EIF4G3: variants seen among roughly 807,000 people sequenced by gnomAD.
EIF4G3 encodes eIF-4-gamma 3.
In EIF4G3, 34 loss-of-function variants were observed where a neutral mutation model predicts 186.4. The observed-to-expected ratio is 0.18, with a 90% CI of 0.14 to 0.24. The LOEUF is 0.24. Among genes scored for constraint, EIF4G3 ranks in the 10% least tolerant of loss-of-function variants. EIF4G3 has a pLI of 1.00. For synonymous variants in EIF4G3, 673 were observed against 679.5 expected, an observed-to-expected ratio of 0.99 and a Z score of 0.15; for missense variants, 1,536 against 1,948.5, an observed-to-expected ratio of 0.79 and a Z score of 3.99.
intron 3 of EIF4G3, among the ~76,000 whole-genome samples, chr1:21,065,744 A>G (rs974383314): frequency 6.6e-6 from 1 of 152,222 alleles, no homozygotes; most frequent in Non-Finnish European, 1.5e-5. Flanking sequence ...TCAACACATT[A>G]AGATAATATT....
chr1:21,007,515 T>TAAAAAAAAAAAAAA lies in EIF4G3; in HGVS notation c.-66-4721_-66-4708dup, dbSNP rs368328382. Among the ~76,000 whole-genome samples the TAAAAAAAAAAAAAA allele has an allele frequency of 5.1e-3, 75 of 14,640 alleles. 4 individuals carry two copies. The highest frequency in any genetic ancestry group is 8.2e-3 in the Non-Finnish European group (41 of 4,992). 9.6% of individuals were successfully genotyped at this position (14,640 alleles called of 152,430 possible). A position where few individuals can be genotyped will look rare whatever the true frequency, so the allele number is the denominator to read the frequency against. ...AATATATTCACAATGGGCCCCTCCT[T>TAAAAAAAAAAAAAA]AAAAAAAAAAAAAAAAAAAAAACAC... On this transcript the variant is annotated intron_variant, in intron 4 of 36. Transcript: ENST00000602326.
chr1:21,031,128 G>A (rs918315602), intron 4 of EIF4G3, among the ~76,000 whole-genome samples: 15 of 151,932 alleles, frequency 9.9e-5, no homozygotes, highest in Admixed American at 9.8e-4. Flanking sequence ...GTGGGCCGCA[G>A]TGAGCCAAGA....
rs1462314814 is a variant in EIF4G3 at position 20,958,880 on chromosome 1, G to A, written c.715-8769C>T. Among the ~76,000 whole-genome samples, 10 of 152,114 alleles carry A rather than the reference G, an allele frequency of 6.6e-5. No homozygotes were observed. The East Asian group carries it at 1.7e-3, about 26-fold the overall frequency. Reference sequence around the variant, plus strand: ...ATCTCTACAAGGAGAAATACAAAACGCTGCTGAAAGAAATCACAGATGACA... The same window carrying A: ...ATCTCTACAAGGAGAAATACAAAACACTGCTGAAAGAAATCACAGATGACA... On this transcript the variant is annotated intron_variant, in intron 12 of 36. Coordinates refer to ENST00000602326, the MANE Select transcript of EIF4G3 (RefSeq NM_001391906.1).
At chr1:21,101,590 C>CGAGG (rs1363878645) in intron 2 of EIF4G3, among the ~76,000 whole-genome samples, 1 of 17,854 alleles carries the variant, frequency 5.6e-5, no homozygotes, top group Non-Finnish European at 1.5e-4. Context: ...AAAAAAAAAC[C>CGAGG]GAGGGAGGGA....
intron 2 of EIF4G3, among the ~76,000 whole-genome samples, chr1:21,132,170 T>C (rs2097164969): frequency 6.6e-6 from 1 of 152,108 alleles, no homozygotes; most frequent in African/African-American, 2.4e-5. Context: ...CAAAGTGATA[T>C]TTGTCCTTGA....
chr1:21,063,863 T>C (rs61779070), intron 3 of EIF4G3, among the ~76,000 whole-genome samples: 55,440 of 149,830 alleles, frequency 0.37, 10,893 homozygotes, highest in Non-Finnish European at 0.43. Flanking sequence ...GCGCATGCCA[T>C]CACACCCAGC....
At position 21,050,855 on chromosome 1, in the gene EIF4G3, G is replaced by A. The variant is rs1359830695; in HGVS notation, c.-67+11C>T. ...GACATTTCTTATTTTTTTAAAAAAG[G>A]TTTATCTTACTTGAGAGAGTCCAGG... On this transcript the variant is annotated intron_variant, in intron 4 of 36. Transcript: ENST00000602326. 8.7e-6 allele frequency: 6 copies of A among 690,970 alleles called. No homozygotes were observed. The highest frequency in any genetic ancestry group is 1.6e-5 in the Non-Finnish European group (6 of 378,588). 42.8% of individuals were successfully genotyped at this position (690,970 alleles called of 1,614,324 possible).
At chr1:20,995,564 A>G (rs553893523) in intron 7 of EIF4G3, among the ~76,000 whole-genome samples, 121 of 151,930 alleles carry the variant, frequency 8.0e-4, no homozygotes, top group Admixed American at 2.0e-3. Context: ...TAGAGACGGA[A>G]TTTCACCATG....
chr1:20,940,066 G>C (rs899754465), intron 14 of EIF4G3, among the ~76,000 whole-genome samples: 5 of 151,954 alleles, frequency 3.3e-5, no homozygotes, highest in African/African-American at 1.2e-4. Flanking sequence ...GTGTTGCCAA[G>C]GCTGGTCTCG....
At chr1:20,823,888 T>C (rs976113600) in intron 33 of EIF4G3, among the ~76,000 whole-genome samples, 1 of 152,224 alleles carries the variant, frequency 6.6e-6, no homozygotes, top group Non-Finnish European at 1.5e-5. Context: ...TGTCAACTCA[T>C]ATATTTAAAT....
chr1:21,015,022 G>GA (rs1341310703), intron 4 of EIF4G3, among the ~76,000 whole-genome samples: 1 of 142,362 alleles, frequency 7.0e-6, no homozygotes, highest in African/African-American at 2.6e-5. Flanking sequence ...AATGAAATCA[G>GA]AAAAAAGATA....
At chr1:20,919,833 T>C (rs2094327157) in intron 14 of EIF4G3, among the ~76,000 whole-genome samples, 2 of 152,194 alleles carry the variant, frequency 1.3e-5, no homozygotes, top group African/African-American at 4.8e-5. Flanking sequence ...TGTAATGATG[T>C]AGGCTATCCT....
intron 15 of EIF4G3, among the ~76,000 whole-genome samples, chr1:20,900,833 G>T (rs1384739840): frequency 6.6e-6 from 1 of 152,136 alleles, no homozygotes; most frequent in Non-Finnish European, 1.5e-5. Flanking sequence ...TTCAGCAGAG[G>T]ATAGTGTAAA....
chr1:20,910,755 T>G (rs1288297039), intron 14 of EIF4G3, among the ~76,000 whole-genome samples: 3 of 152,152 alleles, frequency 2.0e-5, no homozygotes, highest in African/African-American at 7.2e-5. Context: ...TTCAGGCTAA[T>G]GAGACTAAAT....
At chr1:20,969,692 T>C (rs111884436) in intron 11 of EIF4G3, 96 bp from the exon 12 acceptor site, 5 of 1,175,418 alleles carry the variant, frequency 4.3e-6, no homozygotes, top group Middle Eastern at 3.0e-4. Context: ...CTGGGAAACC[T>C]GTCAAATATC....
chr1:21,071,645 A>G (rs1242802172), intron 3 of EIF4G3, among the ~76,000 whole-genome samples: 1 of 152,158 alleles, frequency 6.6e-6, no homozygotes, highest in Non-Finnish European at 1.5e-5. Flanking sequence ...CAGCTTGACC[A>G]AAATACAAAA....
In EIF4G3 at chr1:21,176,810, C is replaced by A. The variant is rs762850267; in HGVS notation, c.-544G>T. 7 of 701,702 alleles carry A rather than the reference C, an allele frequency of 1.0e-5. No homozygotes were observed. The highest frequency in any genetic ancestry group is 8.9e-5 in the South Asian group (6 of 67,590). The allele number at this position is 701,702 out of a possible 1,614,324, so 43.5% of individuals were successfully genotyped here. ...CGGCGCCCTTCTCGGTAGCGGGGCT[C>A]AGGCGATGCCGGTGGATTTTCTTCA... On this transcript the variant is annotated 5_prime_UTR_variant, in exon 1 of 37. An upstream open reading frame in the 5' UTR gains an earlier in-frame stop. Coordinates refer to ENST00000602326, the MANE Select transcript of EIF4G3 (RefSeq NM_001391906.1).
intron 19 of EIF4G3, 100 bp from the exon 20 acceptor site, chr1:20,879,620 C>A: frequency 3.0e-6 from 2 of 676,460 alleles, no homozygotes; most frequent in Non-Finnish European, 4.4e-6. Context: ...AGTTCAACTT[C>A]TCAAATTATT....
rs527616468 is a variant in EIF4G3 at position 21,163,352 on chromosome 1, C to CT, written c.-272+12822dup. Among the ~76,000 whole-genome samples, 239 of 152,264 alleles carry CT rather than the reference C, an allele frequency of 1.6e-3. No homozygotes were observed. The South Asian group carries it at 0.019, about 12-fold the overall frequency. On this transcript the variant is annotated intron_variant, in intron 2 of 36. Coordinates refer to ENST00000602326, the MANE Select transcript of EIF4G3 (RefSeq NM_001391906.1). ...CAGGAAGTTGGACTACTTTCAAACT[C>CT]TAATATTTCTGAAAAAGATCAACAA...
Sources: gnomAD v4.1 joint callset for allele counts (sites outside exome capture counted in the v4.1 genomes callset) on GRCh38, gnomAD v4.1.1 for gene constraint, MANE v1.5 for transcripts, NCBI Gene and HGNC (gene_info 2026-07-23, HGNC 2026-07-21) for gene names.